Variants in NAV3 observed in about 807,000 individuals in gnomAD.
The protein encoded by NAV3 is pore membrane and/or filament interacting like protein 1.
Under a neutral mutation model 244.7 loss-of-function variants are expected in NAV3, and 87 were observed. The observed-to-expected ratio is 0.36, with a 90% confidence interval of 0.30 to 0.42. The LOEUF is 0.42. NAV3 is among the 20% of genes least tolerant of loss of function. NAV3 has a pLI of 1.00. For synonymous variants in NAV3, 1,126 were observed against 1,042.2 expected (o/e 1.08, Z -1.55); for missense variants, 2,663 against 2,893.3 (o/e 0.92, Z 1.83).
chr12:77,593,397 C>G (rs927862990), intron 2 of NAV3, among the ~76,000 whole-genome samples: 8 of 151,596 alleles, frequency 5.3e-5, no homozygotes, highest in Non-Finnish European at 1.0e-4. Context: ...CTGTCTTTCT[C>G]TCTTCCAAAC....
chr12:77,897,563 T>C (rs1884767828), intron 1 of NAV3, among the ~76,000 whole-genome samples: 1 of 152,196 alleles, frequency 6.6e-6, no homozygotes, highest in Admixed American at 6.5e-5. Context: ...CACAGCAGTT[T>C]GAATTGCAAG....
At chr12:78,121,140 T>C (rs1316412849) in intron 15 of NAV3, among the ~76,000 whole-genome samples, 1 of 152,228 alleles carries the variant, frequency 6.6e-6, no homozygotes, top group Non-Finnish European at 1.5e-5. Context: ...ATGGATTTCA[T>C]TGCAACTCAA....
At chr12:78,171,080 A>G (rs534349025) in intron 24 of NAV3, among the ~76,000 whole-genome samples, 1 of 151,894 alleles carries the variant, frequency 6.6e-6, no homozygotes, top group African/African-American at 2.4e-5. Context: ...ATGAATTTCA[A>G]TTTAAATTTT....
At chr12:77,776,627 C>T (rs1002481148) in intron 2 of NAV3, among the ~76,000 whole-genome samples, 5 of 152,166 alleles carry the variant, frequency 3.3e-5, no homozygotes, top group Admixed American at 3.3e-4. Context: ...TCTAGGCTCA[C>T]TAAAAGCATG....
At chr12:78,169,699 G>A (rs1957925097) in intron 24 of NAV3, among the ~76,000 whole-genome samples, 1 of 151,560 alleles carries the variant, frequency 6.6e-6, no homozygotes, top group South Asian at 2.1e-4. Flanking sequence ...TAGACCACTG[G>A]AGTGTAGCTC....
chr12:78,078,170 C>A (rs1953149112), intron 12 of NAV3, among the ~76,000 whole-genome samples: 1 of 152,072 alleles, frequency 6.6e-6, no homozygotes, highest in Non-Finnish European at 1.5e-5. Flanking sequence ...CTCCAATGAG[C>A]TCTCTTTAAC....
chr12:78,199,257 AAAT>A lies in NAV3; in HGVS notation c.6519-71_6519-69del, dbSNP rs1959364153. The A allele has an allele frequency of 2.3e-5, 25 of 1,092,220 alleles. No individual in the cohort carries two copies. In the South Asian group the frequency reaches 3.4e-4, roughly 15 times the overall value. The allele number at this position is 1,092,220 out of a possible 1,614,324, so 67.7% of individuals were successfully genotyped here. Reference sequence around the variant, plus strand: ...TATTGGAAAGTAATAATGAATAAATAAATAATAATGATAAAGAATCACTGTGAA... The same window carrying A: ...TATTGGAAAGTAATAATGAATAAATAAATAATGATAAAGAATCACTGTGAA... On this transcript the variant is annotated intron_variant, in intron 36 of 39. Coordinates refer to ENST00000397909, the MANE Select transcript of NAV3 (RefSeq NM_001024383.2).
intron 2 of NAV3, among the ~76,000 whole-genome samples, chr12:77,741,888 C>T (rs1203544772): frequency 1.3e-5 from 2 of 151,910 alleles, no homozygotes; most frequent in Non-Finnish European, 2.9e-5. Context: ...TCTAAGATGT[C>T]CATGGGTATA....
intron 5 of NAV3, among the ~76,000 whole-genome samples, chr12:77,977,709 C>CACAT (rs1555248318): frequency 4.2e-5 from 2 of 47,582 alleles, no homozygotes; most frequent in Non-Finnish European, 1.3e-4. Flanking sequence ...CACACACACA[C>CACAT]GCGCACACAC....
intron 2 of NAV3, among the ~76,000 whole-genome samples, chr12:77,586,904 G>A (rs148476878): frequency 2.2e-4 from 34 of 152,316 alleles, no homozygotes; most frequent in African/African-American, 7.9e-4. Flanking sequence ...AGAATGGGAA[G>A]TTAGGAGAAT....
chr12:77,861,123 T>C (rs1879197852), intron 1 of NAV3, among the ~76,000 whole-genome samples: 1 of 151,892 alleles, frequency 6.6e-6, no homozygotes, highest in Non-Finnish European at 1.5e-5. Context: ...TCCTATGTAG[T>C]AGAGAAAATT....
At chr12:78,031,791 C>T (rs573281872) in intron 9 of NAV3, among the ~76,000 whole-genome samples, 31 of 150,038 alleles carry the variant, frequency 2.1e-4, no homozygotes, top group Admixed American at 1.3e-3. Flanking sequence ...TGCTAGATGA[C>T]GAGTTAGTGG....
At chr12:77,743,198 A>G (rs1174342055) in intron 2 of NAV3, among the ~76,000 whole-genome samples, 1 of 151,952 alleles carries the variant, frequency 6.6e-6, no homozygotes, top group Non-Finnish European at 1.5e-5. Context: ...TCTTTTCTCT[A>G]GCTTACCTTA....
chr12:78,161,144 C>T (rs544751877), intron 23 of NAV3, among the ~76,000 whole-genome samples: 1 of 152,178 alleles, frequency 6.6e-6, no homozygotes, highest in Admixed American at 6.6e-5. Flanking sequence ...TAATCTTGAG[C>T]AAGTTTATCT....
intron 2 of NAV3, among the ~76,000 whole-genome samples, chr12:77,597,699 C>G (rs1445271953): frequency 2.0e-5 from 3 of 151,948 alleles, no homozygotes; most frequent in Non-Finnish European, 2.9e-5. Flanking sequence ...CCAGTTTTTG[C>G]TCTCTAGTAT....
intron 2 of NAV3, among the ~76,000 whole-genome samples, chr12:77,734,850 C>G (rs920599066): frequency 6.6e-6 from 1 of 152,012 alleles, no homozygotes; most frequent in East Asian, 1.9e-4. Flanking sequence ...AATACTAGAA[C>G]GCAAAAACAA....
intron 1 of NAV3, among the ~76,000 whole-genome samples, chr12:77,845,161 C>A (rs1876401591): frequency 6.6e-6 from 1 of 151,946 alleles, no homozygotes; most frequent in African/African-American, 2.4e-5. Flanking sequence ...TTCAATAGCT[C>A]CTGGATCCAT....
intron 16 of NAV3, 96 bp from the exon 17 acceptor site, chr12:78,127,071 A>T (rs1164080861): frequency 4.8e-6 from 6 of 1,248,162 alleles, no homozygotes; most frequent in Non-Finnish European, 6.9e-6. Flanking sequence ...TTACCAAAAA[A>T]TTATTTTTTA....
At chr12:77,904,783 A>G (rs1885779048) in intron 1 of NAV3, among the ~76,000 whole-genome samples, 1 of 152,156 alleles carries the variant, frequency 6.6e-6, no homozygotes, top group African/African-American at 2.4e-5. Context: ...CTTTAATTCT[A>G]TCCTATCTTA....
Sources: allele counts gnomAD v4.1 joint callset (sites outside exome capture counted in the v4.1 genomes callset), GRCh38; gene constraint gnomAD v4.1.1; transcripts MANE v1.5; gene names NCBI Gene and HGNC (gene_info 2026-07-23, HGNC 2026-07-21).